FREM1: variants seen among roughly 807,000 people sequenced by gnomAD.
FREM1 encodes FRAS1-related extracellular matrix protein 1.
A neutral mutation model predicts 210.1 loss-of-function variants in FREM1; 220 were observed. The ratio of observed to expected loss-of-function variants is 1.05; its 90% CI spans 0.94 to 1.17. The LOEUF is 1.17. Among genes scored for constraint, FREM1 ranks in the 50% most tolerant of loss-of-function variants. FREM1 has a pLI of 0.00. For missense variants in FREM1, 3,454 were observed against 2,675.5 expected (o/e 1.29, Z -6.42); for synonymous variants, 1,189 against 980.2 (o/e 1.21, Z -3.98).
intron 16 of FREM1, among the ~76,000 whole-genome samples, 174 bp from the exon 17 acceptor site, chr9:14,808,308 T>C (rs758599963): frequency 1.5e-4 from 23 of 152,220 alleles, no homozygotes; most frequent in South Asian, 1.0e-3. Flanking sequence ...GTCATGAAAA[T>C]AATGCAAAAA....
At chr9:14,755,865 G>A (rs1025712098) in intron 29 of FREM1, among the ~76,000 whole-genome samples, 1 of 152,066 alleles carries the variant, frequency 6.6e-6, no homozygotes, top group South Asian at 2.1e-4. Context: ...ATTTCCACTT[G>A]CACCTAGCAA....
At chr9:14,787,164 G>C (rs765228678) in intron 23 of FREM1, among the ~76,000 whole-genome samples, 36 of 152,126 alleles carry the variant, frequency 2.4e-4, no homozygotes, top group Non-Finnish European at 4.6e-4. Context: ...TCAACTTTAA[G>C]GTTGTGATTA....
At chr9:14,806,157 GA>G (rs1818305367) in intron 18 of FREM1, among the ~76,000 whole-genome samples, 1 of 151,912 alleles carries the variant, frequency 6.6e-6, no homozygotes, top group African/African-American at 2.4e-5. Flanking sequence ...ATGCAAGGGG[GA>G]AGTCAGAATA....
chr9:14,831,820 A>C (rs1242803069), intron 10 of FREM1, among the ~76,000 whole-genome samples: 1 of 152,214 alleles, frequency 6.6e-6, no homozygotes, highest in Non-Finnish European at 1.5e-5. Context: ...AGAGTGACTA[A>C]GGCCCAAAAC....
intron 22 of FREM1, chr9:14,791,188 A>G (rs758168319): frequency 2.6e-5 from 4 of 152,188 alleles, no homozygotes; most frequent in Non-Finnish European, 5.9e-5. Context: ...GATCTATATA[A>G]TTCACGTTGG....
At chr9:14,850,815 G>C (rs752420353) in intron 6 of FREM1, among the ~76,000 whole-genome samples, 1 of 152,180 alleles carries the variant, frequency 6.6e-6, no homozygotes, top group Non-Finnish European at 1.5e-5. Flanking sequence ...GCTGTCGAAG[G>C]CTGCTGCAGT....
intron 6 of FREM1, among the ~76,000 whole-genome samples, chr9:14,849,927 G>A (rs562988852): frequency 6.6e-6 from 1 of 152,270 alleles, no homozygotes; most frequent in East Asian, 1.9e-4. Flanking sequence ...GGCATGGGGG[G>A]CCACAGACTA....
chr9:14,856,784 C>A (rs1828828399), intron 5 of FREM1, among the ~76,000 whole-genome samples: 1 of 141,850 alleles, frequency 7.0e-6, no homozygotes, highest in Non-Finnish European at 1.5e-5. Flanking sequence ...AGTGAGCCGA[C>A]ATTATTGCGC....
chr9:14,795,507 G>C (rs780909435), intron 21 of FREM1, among the ~76,000 whole-genome samples: 3 of 152,160 alleles, frequency 2.0e-5, no homozygotes, highest in African/African-American at 4.8e-5. Context: ...ATATGCCCAA[G>C]GACACACATG....
chr9:14,763,979 T>C (rs1272620001), intron 27 of FREM1, among the ~76,000 whole-genome samples: 1 of 152,236 alleles, frequency 6.6e-6, no homozygotes, highest in African/African-American at 2.4e-5. Context: ...GGTTTGGCTG[T>C]ATCCCCACAT....
At chr9:14,868,648 G>C (rs966883450) in intron 2 of FREM1, 96 bp downstream of exon 2, 10 of 783,886 alleles carry the variant, frequency 1.3e-5, no homozygotes, top group East Asian at 1.1e-4. Context: ...ATGGCTTGAG[G>C]GGAGACATTT....
intron 25 of FREM1, 137 bp from the exon 26 acceptor site, chr9:14,770,943 A>G (rs1587850048): frequency 1.6e-6 from 1 of 641,926 alleles, no homozygotes; most frequent in Non-Finnish European, 2.7e-6. Context: ...GATTCCTGCT[A>G]AAGACAGTCC....
chr9:14,882,908 A>C (rs1236905455), intron 1 of FREM1, among the ~76,000 whole-genome samples: 1 of 147,064 alleles, frequency 6.8e-6, no homozygotes, highest in East Asian at 2.0e-4. Context: ...GCGAGACTCC[A>C]TCTCAAAAAA....
At position 14,815,161 on chromosome 9, in the gene FREM1, T is replaced by TG. The variant is rs1385091391; in HGVS notation, c.2640+1616dup. Among the ~76,000 whole-genome samples the TG allele has an allele frequency of 6.6e-5, 10 of 152,290 alleles. No homozygotes were observed. The East Asian group carries it at 1.7e-3, about 27-fold the overall frequency. On this transcript the variant is annotated intron_variant, in intron 15 of 36. Coordinates refer to ENST00000380880, the MANE Select transcript of FREM1 (RefSeq NM_001379081.2). ...GGTGCACAGGAACTACTGGCCAGTA[T>TG]GATCATTATAATCACCTAGTGATGT... is the stretch of plus-strand genomic sequence containing the variant.
chr9:14,748,867 T>A (rs1842890138), intron 30 of FREM1, among the ~76,000 whole-genome samples: 1 of 152,200 alleles, frequency 6.6e-6, no homozygotes. Context: ...AGTCATGAAA[T>A]CAATTTCATA....
intron 1 of FREM1, among the ~76,000 whole-genome samples, chr9:14,886,742 T>A (rs544079729): frequency 2.6e-5 from 4 of 151,564 alleles, no homozygotes; most frequent in Admixed American, 6.6e-5. Flanking sequence ...CAAAAAAAAA[T>A]TTTAAATTAG....
At chr9:14,854,379 G>A (rs1188772653) in intron 5 of FREM1, among the ~76,000 whole-genome samples, 6 of 151,936 alleles carry the variant, frequency 3.9e-5, no homozygotes, top group Admixed American at 3.9e-4. Context: ...CCAATTATAT[G>A]TACCTTACAA....
chr9:14,881,788 G>A (rs190143400), intron 1 of FREM1, among the ~76,000 whole-genome samples: 3 of 152,260 alleles, frequency 2.0e-5, no homozygotes, highest in East Asian at 1.9e-4. Context: ...AGCTATCTGC[G>A]GCTATGTGAT....
chr9:14,771,618 T>G (rs1190052708), intron 25 of FREM1, among the ~76,000 whole-genome samples: 1 of 152,196 alleles, frequency 6.6e-6, no homozygotes, highest in East Asian at 1.9e-4. Context: ...GATCCACCAC[T>G]GATACTAGAA....
Sources: gnomAD v4.1 joint callset for allele counts (sites outside exome capture counted in the v4.1 genomes callset) on GRCh38, gnomAD v4.1.1 for gene constraint, MANE v1.5 for transcripts, NCBI Gene and HGNC (gene_info 2026-07-23, HGNC 2026-07-21) for gene names.